The following EFCAB6 variants were observed in gnomAD, a reference collection of about 807,000 sequenced individuals.
EFCAB6 encodes the protein EF-hand calcium-binding domain-containing protein 6.
EFCAB6 carries 156 observed loss-of-function variants against 169.8 expected under a neutral mutation model. The ratio of observed to expected loss-of-function variants is 0.92; its 90% confidence interval spans 0.81 to 1.05. The LOEUF (loss-of-function observed/expected upper bound fraction) is 1.05, where lower values mean the gene tolerates loss of function less well. Among genes scored for constraint, EFCAB6 ranks in the 50% least tolerant of loss-of-function variants. The probability of loss-of-function intolerance (pLI) is 0.00; values close to 1 mark genes in which losing one functional copy is unlikely to be tolerated. For synonymous variants in EFCAB6, 698 were observed against 676.4 expected (o/e 1.03, Z -0.50); for missense variants, 1,800 against 1,829.1 (o/e 0.98, Z 0.29).
chr22:43,533,092 G>C (rs1024431406), intron 30 of EFCAB6, among the ~76,000 whole-genome samples: 1 of 152,258 alleles, frequency 6.6e-6, no homozygotes, highest in African/African-American at 2.4e-5. Flanking sequence ...AAGTGGCTGA[G>C]AACCAAAGGT....
intron 13 of EFCAB6, among the ~76,000 whole-genome samples, chr22:43,674,634 A>G (rs1304528660): frequency 6.6e-6 from 1 of 152,200 alleles, no homozygotes; most frequent in Non-Finnish European, 1.5e-5. Context: ...CTAGACAAAG[A>G]TCACACCACT....
chr22:43,782,941 TC>T (rs145956220), intron 2 of EFCAB6, among the ~76,000 whole-genome samples: 12,297 of 151,980 alleles, frequency 0.081, 655 homozygotes, highest in South Asian at 0.2. Flanking sequence ...CTCACCTGCC[TC>T]CCCCTGCCCC....
chr22:43,719,478 C>G (rs555411269), intron 8 of EFCAB6, among the ~76,000 whole-genome samples: 1 of 152,166 alleles, frequency 6.6e-6, no homozygotes, highest in Non-Finnish European at 1.5e-5. Context: ...GGAACCAAAA[C>G]AGAAGTTAGC....
chr22:43,671,988 T>C lies in EFCAB6; in HGVS notation c.1625A>G (p.Asn542Ser), dbSNP rs777759985. The change falls in exon 15 of 32, where the codon AAT (asparagine) becomes AGT (serine). Residue 542 changes from asparagine (N) to serine (S), a missense_variant. Coordinates refer to ENST00000262726, the MANE Select transcript of EFCAB6 (RefSeq NM_022785.4). Reference sequence around the variant, plus strand: ...AAAAACTTACTTTATGAAATGTGCATTCGTTAAAAATGGACAGAAGACGTG... The same window carrying C: ...AAAAACTTACTTTATGAAATGTGCACTCGTTAAAAATGGACAGAAGACGTG... ...IMHVFCPFLTNAHFIKLCSKI... is the reference protein window; with the variant it reads ...IMHVFCPFLTSAHFIKLCSKI... 7 of 1,612,952 alleles carry C rather than the reference T, an allele frequency of 4.3e-6. No homozygotes were observed. Among genetic ancestry groups the C allele is most frequent in the Non-Finnish European group, 5.9e-6 (7 of 1,179,812 alleles).
intron 23 of EFCAB6, among the ~76,000 whole-genome samples, chr22:43,596,944 C>T (rs2052060225): frequency 6.6e-6 from 1 of 152,122 alleles, no homozygotes; most frequent in Non-Finnish European, 1.5e-5. Flanking sequence ...AGAAGTAAAT[C>T]CATGCACTTA....
At chr22:43,777,783 A>T (rs577490758) in intron 3 of EFCAB6, among the ~76,000 whole-genome samples, 1 of 152,306 alleles carries the variant, frequency 6.6e-6, no homozygotes, top group East Asian at 1.9e-4. Context: ...GAAAATATTG[A>T]TTTGAGACTA....
At chr22:43,546,613 G>A (rs1218421395) in intron 27 of EFCAB6, among the ~76,000 whole-genome samples, 5 of 152,310 alleles carry the variant, frequency 3.3e-5, no homozygotes, top group East Asian at 3.9e-4. Flanking sequence ...GCTCACGCCT[G>A]TAATCCCAGC....
At chr22:43,676,733 T>C (rs2057778935) in intron 13 of EFCAB6, among the ~76,000 whole-genome samples, 2 of 152,206 alleles carry the variant, frequency 1.3e-5, no homozygotes, top group African/African-American at 2.4e-5. Context: ...TATGACACTT[T>C]CGCTCCAATA....
At chr22:43,716,677 A>G in intron 9 of EFCAB6, 171 bp downstream of exon 9, 1 of 632,538 alleles carries the variant, frequency 1.6e-6, no homozygotes, top group Non-Finnish European at 2.4e-6. Context: ...ACGATTATCC[A>G]TGATCAATGT....
At chr22:43,666,476 C>T (rs1340686181) in intron 17 of EFCAB6, among the ~76,000 whole-genome samples, 4 of 152,212 alleles carry the variant, frequency 2.6e-5, no homozygotes, top group Non-Finnish European at 5.9e-5. Context: ...TCCACATGGA[C>T]ACTGCTACAT....
intron 3 of EFCAB6, among the ~76,000 whole-genome samples, chr22:43,774,898 G>A (rs1354131151): frequency 2.6e-5 from 4 of 151,826 alleles, no homozygotes; most frequent in Non-Finnish European, 1.5e-5. Context: ...TGGCACAGTG[G>A]GACTGTCATC....
At chr22:43,683,160 T>G (rs2058068897) in intron 12 of EFCAB6, among the ~76,000 whole-genome samples, 1 of 152,210 alleles carries the variant, frequency 6.6e-6, no homozygotes, top group Admixed American at 6.5e-5. Context: ...GAGCTTCAAT[T>G]ACCGAATGTG....
intron 27 of EFCAB6, among the ~76,000 whole-genome samples, chr22:43,545,499 C>T (rs1352152192): frequency 6.6e-6 from 1 of 152,220 alleles, no homozygotes; most frequent in Non-Finnish European, 1.5e-5. Flanking sequence ...AGGAAAGCTG[C>T]TAACCCCAAA....
intron 10 of EFCAB6, among the ~76,000 whole-genome samples, chr22:43,697,403 T>C (rs1407209906): frequency 6.6e-6 from 1 of 152,230 alleles, no homozygotes; most frequent in Admixed American, 6.5e-5. Flanking sequence ...GTTAAGTATG[T>C]ATGTGACTGT....
intron 2 of EFCAB6, among the ~76,000 whole-genome samples, chr22:43,805,975 G>A (rs2062902634): frequency 6.6e-6 from 1 of 152,088 alleles, no homozygotes; most frequent in Admixed American, 6.6e-5. Context: ...GACTAGCCTG[G>A]CCAACATGAC....
intron 3 of EFCAB6, among the ~76,000 whole-genome samples, chr22:43,778,438 G>A (rs972386692): frequency 5.9e-5 from 9 of 152,186 alleles, no homozygotes; most frequent in Admixed American, 1.3e-4. Context: ...TGAACCCTCC[G>A]AAGCATATGG....
At chr22:43,732,864 A>G (rs867077647) in intron 7 of EFCAB6, among the ~76,000 whole-genome samples, 7 of 152,294 alleles carry the variant, frequency 4.6e-5, no homozygotes, top group Middle Eastern at 3.4e-3. Flanking sequence ...ATGGTTTTCT[A>G]GATCATTTCT....
At chr22:43,708,947 C>A (rs1412859351) in intron 10 of EFCAB6, among the ~76,000 whole-genome samples, 1 of 152,174 alleles carries the variant, frequency 6.6e-6, no homozygotes, top group African/African-American at 2.4e-5. Context: ...CCCTAGGTCC[C>A]TCGCTAGAAC....
intron 17 of EFCAB6, among the ~76,000 whole-genome samples, chr22:43,648,209 A>G (rs1302792657): frequency 2.6e-5 from 4 of 152,130 alleles, no homozygotes; most frequent in Non-Finnish European, 2.9e-5. Flanking sequence ...ATTTTAGGAA[A>G]AAGGAAGCTG....
Sources: gnomAD v4.1 joint callset for allele counts (sites outside exome capture counted in the v4.1 genomes callset) on GRCh38, gnomAD v4.1.1 for gene constraint, MANE v1.5 for transcripts, NCBI Gene and HGNC (gene_info 2026-07-23, HGNC 2026-07-21) for gene names.